The following HECTD4 variants were observed in gnomAD, a reference collection of about 807,000 sequenced individuals.
HECTD4 encodes HECT domain E3 ubiquitin protein ligase 4.
A neutral mutation model predicts 471.5 loss-of-function variants in HECTD4; 114 were observed. The ratio of observed to expected loss-of-function variants is 0.24; its 90% CI spans 0.21 to 0.28. The LOEUF is 0.28. Among genes scored for constraint, HECTD4 ranks in the 10% least tolerant of loss-of-function variants. The pLI, the probability that HECTD4 is intolerant of heterozygous loss-of-function variation, is 1.00. For missense variants in HECTD4, 3,866 were observed against 5,651.5 expected, an observed-to-expected ratio of 0.68 and a Z score of 10.13; for synonymous variants, 2,012 against 2,256.0, an observed-to-expected ratio of 0.89 and a Z score of 3.07.
chr12:112,246,727 G>C (rs2033771992), intron 29 of HECTD4, among the ~76,000 whole-genome samples, 174 bp downstream of exon 29: 1 of 152,144 alleles, frequency 6.6e-6, no homozygotes, highest in African/African-American at 2.4e-5. Context: ...TCACTCAAGT[G>C]CTTTGTACAG....
At chr12:112,338,158 T>C (rs954033650) in intron 1 of HECTD4, among the ~76,000 whole-genome samples, 1 of 152,220 alleles carries the variant, frequency 6.6e-6, no homozygotes, top group African/African-American at 2.4e-5. Flanking sequence ...CAGCTTCTGT[T>C]GGCCAACAGC....
chr12:112,170,675 G>A (rs2031179886), intron 68 of HECTD4: 1 of 542,630 alleles, frequency 1.8e-6, no homozygotes, highest in African/African-American at 1.9e-5. Flanking sequence ...AAACAAACTA[G>A]AGTTGCAAAA....
In HECTD4 at chr12:112,228,581, C is replaced by A; in HGVS notation, c.6684+66G>T. ...TTTGTGCTTCTGCACTGAGCATGTG[C>A]ATAGACTCATTACAGTACAGTTACC... On this transcript the variant is annotated intron_variant, in intron 42 of 75. Coordinates refer to ENST00000682272, the MANE Select transcript of HECTD4 (RefSeq NM_001388303.1). This position sits in a 1 kb window ranked among gnomAD's most constrained non-coding sequence, Gnocchi z 4.9. The A allele has an allele frequency of 7.1e-7, 1 of 1,401,066 alleles. No homozygotes were observed. Among genetic ancestry groups the A allele is most frequent in the Non-Finnish European group, 9.8e-7 (1 of 1,024,618 alleles). 86.8% of individuals were successfully genotyped at this position (1,401,066 alleles called of 1,614,324 possible). A position where few individuals can be genotyped will look rare whatever the true frequency, so the allele number is the denominator to read the frequency against.
chr12:112,308,464 A>C (rs1594031728), intron 6 of HECTD4, among the ~76,000 whole-genome samples: 4 of 150,904 alleles, frequency 2.7e-5, no homozygotes, highest in East Asian at 2.1e-4. Context: ...AAAACAAAAA[A>C]AAAAAACCAG....
chr12:112,276,529 C>G lies in HECTD4; in HGVS notation c.1688-1569G>C, dbSNP rs367565986. 3.9e-5 allele frequency among the ~76,000 whole-genome samples: 6 copies of G among 152,188 alleles called. No individual in the cohort carries two copies. The South Asian group carries it at 6.2e-4, about 16-fold the overall frequency. ...GTGGCGCGATCTAGGCTCACTGCAA[C>G]CTCCAGCTCCCAGGTTCAAGCAATT... On this transcript the variant is annotated intron_variant, in intron 9 of 75. Coordinates refer to ENST00000682272, the MANE Select transcript of HECTD4 (RefSeq NM_001388303.1).
chr12:112,324,805 A>C (rs2035707516), intron 1 of HECTD4, among the ~76,000 whole-genome samples: 1 of 152,154 alleles, frequency 6.6e-6, no homozygotes. Context: ...CCAGTCATAA[A>C]CATCTAAACA....
chr12:112,200,740 T>A lies in HECTD4; in HGVS notation c.8465A>T (p.Tyr2822Phe). 6.2e-7 allele frequency: 1 copy of A among 1,613,984 alleles called. No homozygotes were observed. The highest frequency in any genetic ancestry group is 8.5e-7 in the Non-Finnish European group (1 of 1,179,856). The change falls in exon 55 of 76, where the codon TAC becomes TTC. Residue 2822 changes from tyrosine to phenylalanine, a missense_variant. Physicochemically the swap from Tyr to Phe is conservative, Grantham distance 22 (BLOSUM62 3). Coordinates refer to ENST00000682272, the MANE Select transcript of HECTD4 (RefSeq NM_001388303.1). ...YLRSEGVLVR[Y>F]WYPIDMLERP... ...TTCCAACATGTCAATAGGATACCAGTATCGCACCAGCACACCTTCACTGCG... is the reference window on the plus strand; with the variant it reads ...TTCCAACATGTCAATAGGATACCAGAATCGCACCAGCACACCTTCACTGCG...
chr12:112,243,966 G>A lies in HECTD4; in HGVS notation c.4557C>T (p.Val1519=), dbSNP rs1566085141. 6.2e-7 allele frequency: 1 copy of A among 1,614,008 alleles called. No individual in the cohort carries two copies. Among genetic ancestry groups the A allele is most frequent in the South Asian group, 1.1e-5 (1 of 91,080 alleles). Residue 1519 remains valine (V), a synonymous_variant, in exon 30 of 76, where the codon GTC becomes GTT. Transcript: ENST00000682272. This position sits in a 1 kb window ranked among gnomAD's most constrained non-coding sequence, Gnocchi z 6.6. The part of the protein sequence containing the change: ...ASETKVISHA[V]RQPVFLRSMS... ...TGCTGCGAAGAAAAACAGGCTGCCTGACAGCGTGAGATATCACTTTTGTTT... is the reference window on the plus strand; with the variant it reads ...TGCTGCGAAGAAAAACAGGCTGCCTAACAGCGTGAGATATCACTTTTGTTT...
In HECTD4 at chr12:112,258,941, T is replaced by C; in HGVS notation, c.3027+171A>G. The C allele has an allele frequency of 1.2e-5, 8 of 640,312 alleles. No homozygotes were observed. The South Asian group carries it at 1.9e-4, about 15-fold the overall frequency. 39.7% of individuals were successfully genotyped at this position (640,312 alleles called of 1,614,324 possible). On this transcript the variant is annotated intron_variant, in intron 19 of 75. Coordinates refer to ENST00000682272, the MANE Select transcript of HECTD4 (RefSeq NM_001388303.1). ...AATTTAGTCAAACAAATAAAATGTT[T>C]TCCCTTATTATTTATTTTTATGACA...
chr12:112,343,477 G>GA (rs1162556203), intron 1 of HECTD4, among the ~76,000 whole-genome samples: 2 of 152,112 alleles, frequency 1.3e-5, no homozygotes, highest in African/African-American at 4.8e-5. Context: ...TTGTATTAGA[G>GA]AAAAAACTGA....
In HECTD4 at chr12:112,239,970, C is replaced by T; in HGVS notation, c.5016G>A (p.Glu1672=). The T allele has an allele frequency of 1.2e-6, 2 of 1,614,020 alleles. No homozygotes were observed. The highest frequency in any genetic ancestry group is 2.2e-5 in the East Asian group (1 of 44,888). Residue 1672 remains glutamate, a synonymous_variant, in exon 33 of 76, where the codon GAG becomes GAA. Transcript: ENST00000682272. The surrounding 1 kb of genome is among the most constrained non-coding windows in gnomAD (Gnocchi z 4.9). ...MVEQVQEAFG[E]TMTSVVSLCA... ...ACAGAGACACAACAGAGGTCATGGT[C>T]TCGCCAAAGGCTTCCTGGACCTGCT...
chr12:112,231,506 G>A lies in HECTD4; in HGVS notation c.6200+7C>T. ...GTGTGGACAGCTCCTACCTGTGGAA[G>A]GTTTACCTTGCAAGCTCCGAGTTCC... is the stretch of plus-strand genomic sequence containing the variant. On this transcript the variant is annotated splice_region_variant and intron_variant, in intron 39 of 75. Coordinates refer to ENST00000682272, the MANE Select transcript of HECTD4 (RefSeq NM_001388303.1). 1.9e-6 allele frequency: 3 copies of A among 1,613,638 alleles called. No homozygotes were observed. The highest frequency in any genetic ancestry group is 2.5e-6 in the Non-Finnish European group (3 of 1,179,584).
chr12:112,189,721 A>T (rs1446757995), intron 60 of HECTD4, among the ~76,000 whole-genome samples: 1 of 151,542 alleles, frequency 6.6e-6, no homozygotes, highest in Non-Finnish European at 1.5e-5. Flanking sequence ...ATCTGTTTGA[A>T]CCCTGAAGGC....
intron 60 of HECTD4, 86 bp from the exon 61 acceptor site, chr12:112,185,579 A>C: frequency 2.0e-6 from 2 of 1,020,874 alleles, no homozygotes; most frequent in Non-Finnish European, 2.8e-6. Context: ...ATCAACCCTC[A>C]TAACAACCCT....
chr12:112,212,433 CA>C, intron 49 of HECTD4, 53 bp downstream of exon 49: 1 of 1,427,404 alleles, frequency 7.0e-7, no homozygotes, highest in South Asian at 1.2e-5. Flanking sequence ...CCATGTCTAA[CA>C]GGAACAGGTG....
At chr12:112,202,897 A>C (rs1407590484) in intron 54 of HECTD4, 3 of 152,206 alleles carry the variant, frequency 2.0e-5, no homozygotes, top group Non-Finnish European at 4.4e-5. Context: ...CAGATAGGGA[A>C]ATTGAGGCTG....
chr12:112,256,282 C>G (rs980767734), intron 21 of HECTD4, 38 bp downstream of exon 21: 8 of 1,399,542 alleles, frequency 5.7e-6, no homozygotes, highest in Admixed American at 4.8e-5. Context: ...AATCAGCTTA[C>G]TCGAGGTGGA....
At chr12:112,165,325 T>C (rs1262988901) in intron 72 of HECTD4, among the ~76,000 whole-genome samples, 1 of 151,540 alleles carries the variant, frequency 6.6e-6, no homozygotes, top group Non-Finnish European at 1.5e-5. Flanking sequence ...AAACCCATCA[T>C]GCTTTTTGTT....
At position 112,308,874 on chromosome 12, in the gene HECTD4, C is replaced by T. The variant is rs868677483; in HGVS notation, c.1043G>A (p.Arg348Gln). Residue 348 changes from arginine (R) to glutamine (Q), a missense_variant, in exon 6 of 76, where the codon CGG becomes CAG. Physicochemically the swap from Arg to Gln is conservative, Grantham distance 43. Transcript: ENST00000682272. ...HGTLRGFVYC[R>Q]NEELEPGWVA... ...CCATCCTGGTTCCAACTCCTCGTTC[C>T]GGCAGTACACAAAACCTCTGTGGAA... 3.3e-6 allele frequency: 5 copies of T among 1,535,970 alleles called. No individual in the cohort carries two copies. Among genetic ancestry groups the T allele is most frequent in the Middle Eastern group, 1.7e-4 (1 of 5,988 alleles).
Sources: gnomAD v4.1 joint callset for allele counts (sites outside exome capture counted in the v4.1 genomes callset) on GRCh38, gnomAD v4.1.1 for gene constraint, Gnocchi (gnomAD v3.1) non-coding constraint, MANE v1.5 for transcripts, NCBI Gene and HGNC (gene_info 2026-07-23, HGNC 2026-07-21) for gene names.